Variants in LINGO2 observed in about 807,000 individuals in gnomAD.
LINGO2 encodes the protein leucine-rich repeat and immunoglobulin-like domain-containing nogo receptor-interacting protein 2.
Under a neutral mutation model 30.6 loss-of-function variants are expected in LINGO2, and 14 were observed. The observed-to-expected ratio is 0.46, with a 90% CI of 0.30 to 0.72. The LOEUF is 0.72. LINGO2 is among the 30% of genes least tolerant of loss of function. LINGO2 has a pLI of 0.07. For synonymous variants in LINGO2, 317 were observed against 288.5 expected (o/e 1.10, Z -1.00); for missense variants, 729 against 751.7 (o/e 0.97, Z 0.35).
At chr9:28,552,146 T>C (rs1480851921) in intron 1 of LINGO2, among the ~76,000 whole-genome samples, 1 of 152,032 alleles carries the variant, frequency 6.6e-6, no homozygotes, top group Admixed American at 6.6e-5. Context: ...ATTTACCTTG[T>C]TAAATCAAGC....
At position 28,357,327 on chromosome 9, in the gene LINGO2, C is replaced by CCCA. The variant is rs55802733; in HGVS notation, c.-246+15508_-246+15509insTGG. Reference sequence around the variant, plus strand: ...ATACAGAAATAAAGCCCACCCCCCCCAAAAAAGAAAGCACCAATACTTCTT... The same window carrying CCCA: ...ATACAGAAATAAAGCCCACCCCCCCCCCAAAAAAAGAAAGCACCAATACTTCTT... On this transcript the variant is annotated intron_variant, in intron 3 of 5. Coordinates refer to ENST00000379992, the Ensembl canonical transcript of LINGO2. 1.1e-3 allele frequency among the ~76,000 whole-genome samples: 160 copies of CCCA among 139,640 alleles called. 2 individuals carry two copies. Among genetic ancestry groups the CCCA allele is most frequent in the African/African-American group, 4.0e-3 (152 of 38,028 alleles). The allele number at this position is 139,640 out of a possible 152,430, so 91.6% of individuals were successfully genotyped here.
the LINGO2 span, among the ~76,000 whole-genome samples, chr9:28,682,618 G>C: frequency 6.6e-6 from 1 of 151,966 alleles, no homozygotes; most frequent in East Asian, 1.9e-4. Flanking sequence ...GTAGTCACAA[G>C]TCTATATATT....
chr9:28,994,722 G>A, the LINGO2 span, among the ~76,000 whole-genome samples: 103 of 152,142 alleles, frequency 6.8e-4, no homozygotes, highest in African/African-American at 2.4e-3. Flanking sequence ...CCGCATATCT[G>A]CAACTATCTG....
At chr9:28,621,510 C>T (rs1401201265) in intron 1 of LINGO2, among the ~76,000 whole-genome samples, 1 of 151,328 alleles carries the variant, frequency 6.6e-6, no homozygotes, top group East Asian at 1.9e-4. Context: ...TTCCTGTCAC[C>T]ACAGGTTAGT....
intron 4 of LINGO2, among the ~76,000 whole-genome samples, chr9:28,211,827 T>G (rs184219698): frequency 5.0e-4 from 75 of 151,478 alleles, no homozygotes; most frequent in African/African-American, 1.7e-3. Context: ...GCTTGCTAAA[T>G]TTACTCTTAC....
intron 4 of LINGO2, among the ~76,000 whole-genome samples, chr9:28,104,719 T>A (rs1347186106): frequency 6.6e-6 from 1 of 152,166 alleles, no homozygotes; most frequent in Non-Finnish European, 1.5e-5. Context: ...AAATTTGCCA[T>A]AATTTAAATC....
At position 28,621,626 on chromosome 9, in the gene LINGO2, G is replaced by T. The variant is rs188160055; in HGVS notation, c.-365+48574C>A. ...TAAATGTCATTGGTTTTTTGGCATG[G>T]TGTCTTTTAACTCAGCAAGTTTCTG... On this transcript the variant is annotated intron_variant, in intron 1 of 5. Coordinates refer to ENST00000379992, the Ensembl canonical transcript of LINGO2. Among the ~76,000 whole-genome samples the T allele has an allele frequency of 2.3e-3, 350 of 151,984 alleles. 3 individuals are homozygous for T. Among genetic ancestry groups the T allele is most frequent in the African/African-American group, 8.2e-3 (341 of 41,490 alleles).
chr9:28,795,608 C>T, the LINGO2 span, among the ~76,000 whole-genome samples: 1 of 151,162 alleles, frequency 6.6e-6, no homozygotes, highest in Admixed American at 6.6e-5. Context: ...TAGATAGATA[C>T]ATATATTTTT....
chr9:28,831,205 G>A, the LINGO2 span, among the ~76,000 whole-genome samples: 3 of 152,170 alleles, frequency 2.0e-5, no homozygotes, highest in South Asian at 2.1e-4. Flanking sequence ...TCCCTTCCTT[G>A]TGTTAATTAC....
At chr9:28,567,522 A>T (rs1197241082) in intron 1 of LINGO2, among the ~76,000 whole-genome samples, 6 of 152,150 alleles carry the variant, frequency 3.9e-5, no homozygotes, top group Non-Finnish European at 7.3e-5. Flanking sequence ...ACAGATCATT[A>T]TCCTAAGTGA....
intron 2 of LINGO2, among the ~76,000 whole-genome samples, chr9:28,396,513 G>C (rs1822047958): frequency 6.6e-6 from 1 of 151,754 alleles, no homozygotes; most frequent in Non-Finnish European, 1.5e-5. Flanking sequence ...GACCATCCAG[G>C]CTAACGTGGT....
chr9:28,580,702 A>G (rs1428200859), intron 1 of LINGO2, among the ~76,000 whole-genome samples: 1 of 152,044 alleles, frequency 6.6e-6, no homozygotes, highest in Non-Finnish European at 1.5e-5. Context: ...TTGGCATTCA[A>G]ACAGTCCTTT....
At chr9:28,903,227 G>A in the LINGO2 span, among the ~76,000 whole-genome samples, 3 of 152,070 alleles carry the variant, frequency 2.0e-5, no homozygotes, top group East Asian at 5.8e-4. Flanking sequence ...AGAATCATAA[G>A]AGACTAATAG....
intron 1 of LINGO2, among the ~76,000 whole-genome samples, chr9:28,516,117 A>G (rs1345525254): frequency 6.6e-6 from 1 of 152,198 alleles, no homozygotes; most frequent in African/African-American, 2.4e-5. Flanking sequence ...GCATAATGTT[A>G]TTGCCCATTT....
intron 1 of LINGO2, among the ~76,000 whole-genome samples, chr9:28,544,994 T>C (rs570387998): frequency 5.3e-5 from 8 of 151,802 alleles, no homozygotes; most frequent in African/African-American, 1.7e-4. Context: ...AATTATGTTA[T>C]ATATATTCTT....
the LINGO2 span, among the ~76,000 whole-genome samples, chr9:28,840,846 C>T: frequency 2.6e-5 from 4 of 151,550 alleles, no homozygotes; most frequent in African/African-American, 9.7e-5. Flanking sequence ...TGGTTCATAC[C>T]CTTTACCTTC....
At chr9:28,585,729 T>A (rs1488651094) in intron 1 of LINGO2, among the ~76,000 whole-genome samples, 1 of 152,034 alleles carries the variant, frequency 6.6e-6, no homozygotes, top group African/African-American at 2.4e-5. Context: ...TCGTCGTAAG[T>A]TGAGAAGCAT....
chr9:29,030,159 A>G, the LINGO2 span, among the ~76,000 whole-genome samples: 1 of 152,144 alleles, frequency 6.6e-6, no homozygotes, highest in Non-Finnish European at 1.5e-5. Flanking sequence ...GTCTAAACAT[A>G]TATAATAATA....
intron 3 of LINGO2, among the ~76,000 whole-genome samples, chr9:28,345,365 G>A (rs919802399): frequency 1.3e-5 from 2 of 151,830 alleles, no homozygotes; most frequent in East Asian, 3.9e-4. Context: ...AGACACTAAG[G>A]GTATCATGAA....
Sources: allele counts gnomAD v4.1 joint callset (sites outside exome capture counted in the v4.1 genomes callset), GRCh38; gene constraint gnomAD v4.1.1; transcripts MANE v1.5; gene names NCBI Gene and HGNC (gene_info 2026-07-23, HGNC 2026-07-21).